Variants in NCF1 observed in about 807,000 individuals in gnomAD.
NCF1 encodes neutrophil cytosol factor 1.
NCF1 carries 8 observed loss-of-function variants against 34.9 expected under a neutral mutation model. That is an observed-to-expected ratio of 0.23 (90% CI 0.13 to 0.41). The LOEUF (loss-of-function observed/expected upper bound fraction) is 0.41. NCF1 is among the 10% of genes least tolerant of loss of function. The pLI, the probability that NCF1 is intolerant of heterozygous loss-of-function variation, is 1.00. For missense variants in NCF1, 122 were observed against 362.4 expected (o/e 0.34, Z 5.39); for synonymous variants, 57 against 146.3 (o/e 0.39, Z 4.41).
intron 1 of NCF1, 114 bp from the exon 2 acceptor site, chr7:74,777,153 T>C (rs1796483875): frequency 5.7e-6 from 5 of 878,900 alleles, no homozygotes; most frequent in Non-Finnish European, 9.2e-6. Context: ...ACCGCAAAGA[T>C]GGTCCTCACC....
At chr7:74,785,576 C>T in intron 8 of NCF1, 2 of 372,056 alleles carry the variant, frequency 5.4e-6, no homozygotes, top group Non-Finnish European at 1.1e-5. Flanking sequence ...ACATGGTGAA[C>T]TGTTGTATAA....
At chr7:74,783,164 C>G (rs782308134) in intron 6 of NCF1, 103 bp downstream of exon 6, 1 of 1,558,480 alleles carries the variant, frequency 6.4e-7, no homozygotes, top group Admixed American at 1.9e-5. Flanking sequence ...GGGAGGACTC[C>G]GGCTCTGTTA....
intron 5 of NCF1, among the ~76,000 whole-genome samples, chr7:74,782,460 A>G (rs1796588228): frequency 1.3e-5 from 1 of 74,890 alleles, no homozygotes; most frequent in Admixed American, 1.6e-4. Context: ...AGTTGGGAAA[A>G]GGCCAGGTGC....
intron 8 of NCF1, among the ~76,000 whole-genome samples, chr7:74,787,511 G>A (rs1443561756): frequency 6.6e-6 from 1 of 152,118 alleles, no homozygotes; most frequent in African/African-American, 2.4e-5. Context: ...GCAAAGGTTC[G>A]TAGGAGACAG....
At chr7:74,785,922 C>A in intron 8 of NCF1, among the ~76,000 whole-genome samples, 1 of 135,262 alleles carries the variant, frequency 7.4e-6, no homozygotes, top group African/African-American at 2.8e-5. Flanking sequence ...TTCTTTTTAT[C>A]ATTCCTTTAT....
chr7:74,787,675 C>G (rs1554414747), intron 8 of NCF1, among the ~76,000 whole-genome samples: 1 of 148,946 alleles, frequency 6.7e-6, no homozygotes, highest in Non-Finnish European at 1.5e-5. Flanking sequence ...ACCTAGATCC[C>G]TCAAAGTACT....
At chr7:74,786,968 A>G (rs1438442256) in intron 8 of NCF1, among the ~76,000 whole-genome samples, 2 of 146,460 alleles carry the variant, frequency 1.4e-5, no homozygotes, top group Non-Finnish European at 3.0e-5. Context: ...ACTCCCAAAT[A>G]TAATATTGAG....
At chr7:74,778,776 G>A (rs1349082800) in intron 2 of NCF1, among the ~76,000 whole-genome samples, 9 of 130,078 alleles carry the variant, frequency 6.9e-5, no homozygotes, top group South Asian at 2.8e-4. Flanking sequence ...CCAGGTTTAA[G>A]CGATTCTCCC....
At chr7:74,783,683 G>A in intron 7 of NCF1, 51 bp downstream of exon 7, 1 of 1,574,970 alleles carries the variant, frequency 6.3e-7, no homozygotes, top group South Asian at 1.1e-5. Flanking sequence ...GGGGCAGGCA[G>A]GGCTCAGGGA....
chr7:74,787,506 G>C (rs1222163022), intron 8 of NCF1, among the ~76,000 whole-genome samples: 1 of 152,098 alleles, frequency 6.6e-6, no homozygotes, highest in Non-Finnish European at 1.5e-5. Flanking sequence ...GGTAGGCAAA[G>C]GTTCGTAGGA....
At chr7:74,783,825 G>A (rs587721998) in intron 7 of NCF1, among the ~76,000 whole-genome samples, 193 bp downstream of exon 7, 1,323 of 152,058 alleles carry the variant, frequency 8.7e-3, no homozygotes, top group African/African-American at 0.031. Context: ...GAACCAGGAG[G>A]AGGAGCAGAC....
At chr7:74,777,397 C>T (rs1253814367) in intron 2 of NCF1, 50 bp downstream of exon 2, 3 of 1,405,976 alleles carry the variant, frequency 2.1e-6, no homozygotes, top group Admixed American at 2.0e-5. Context: ...CCAGCTCCAC[C>T]CTTTGGGAAG....
Position 74,783,531 on chromosome 7 carries a change from G to T in NCF1, c.581G>T (p.Trp194Leu), listed in dbSNP as rs781959928. The change falls in exon 7 of 11, where the codon TGG becomes TTG. Residue 194 changes from tryptophan (W) to leucine (L), a missense_variant. By Grantham distance (61) the Trp-to-Leu change is moderately conservative (BLOSUM62 -2). Transcript: ENST00000289473. ...EVVEKSESGW[W>L]FCQMKAKRGW... ...TCCCGCACCTCTGGCACAGGTTGGT[G>T]GTTCTGTCAGATGAAAGCAAAGCGA... 1.9e-6 allele frequency: 3 copies of T among 1,611,614 alleles called. No homozygotes were observed. The highest frequency in any genetic ancestry group is 2.2e-5 in the South Asian group (2 of 90,954).
chr7:74,777,319 G>A lies in NCF1; in HGVS notation c.125G>A (p.Arg42Gln), dbSNP rs119103270. ...GACCTGTCGGAGAAGGTGGTCTACC[G>A]GCGCTTCACCGAGATCTACGAGTTC... ...WQDLSEKVVY[R>Q]RFTEIYEFHK... is the part of the protein sequence containing the mutation. Residue 42 changes from arginine (R) to glutamine (Q), a missense_variant, in exon 2 of 11, where the codon CGG becomes CAG. Physicochemically the swap from Arg to Gln is conservative, Grantham distance 43 (BLOSUM62 1). Transcript: ENST00000289473. 1.0e-5 allele frequency: 16 copies of A among 1,596,744 alleles called. No individual in the cohort carries two copies. Among genetic ancestry groups the A allele is most frequent in the South Asian group, 4.4e-5 (4 of 90,042 alleles).
intron 8 of NCF1, among the ~76,000 whole-genome samples, chr7:74,785,730 A>G (rs765321859): frequency 1.8e-3 from 278 of 151,974 alleles, no homozygotes; most frequent in Non-Finnish European, 3.6e-3. Context: ...TAAAAACACA[A>G]ACATGAGCCG....
At chr7:74,785,341 GC>G in intron 8 of NCF1, 42 bp downstream of exon 8, 3 of 454,544 alleles carry the variant, frequency 6.6e-6, no homozygotes, top group South Asian at 2.1e-5. Context: ...ATCTGAGTCA[GC>G]CCCAGCCAGG....
rs1554413971 is a variant in NCF1, at chr7:74,782,996, C to A, written c.509C>A (p.Thr170Asn). The change falls in exon 6 of 11, where the codon ACC becomes AAC. Residue 170 changes from threonine to asparagine, a missense_variant. This residue lies in a region of NCF1 where 57 missense variants were observed against 89.3 expected (regional missense o/e 0.64). Transcript: ENST00000289473. ...CGCGCCATTGCCAACTACGAGAAGA[C>A]CTCGGGCTCCGAGATGGCTCTGTCC... ...TYRAIANYEK[T>N]SGSEMALSTG... 15 of 1,611,404 alleles carry A rather than the reference C, an allele frequency of 9.3e-6. No individual in the cohort carries two copies. Among genetic ancestry groups the A allele is most frequent in the Non-Finnish European group, 1.3e-5 (15 of 1,179,688 alleles).
In NCF1 at chr7:74,788,691, C is replaced by T; in HGVS notation, c.1038C>T (p.Pro346=). Reference sequence around the variant, plus strand: ...AGGCGCGGCCGGGACCGCAGAGCCCCGGGAGCCCGCTCGGTGAGTGCAGCG... The same window carrying T: ...AGGCGCGGCCGGGACCGCAGAGCCCTGGGAGCCCGCTCGGTGAGTGCAGCG... ...RRQARPGPQS[P]GSPLEEERQT... Residue 346 remains proline, a synonymous_variant, in exon 10 of 11, where the codon CCC becomes CCT. Coordinates refer to ENST00000289473, the MANE Select transcript of NCF1 (RefSeq NM_000265.7). 3 of 1,549,636 alleles carry T rather than the reference C, an allele frequency of 1.9e-6. No homozygotes were observed. The highest frequency in any genetic ancestry group is 2.3e-4 in the Middle Eastern group (1 of 4,352).
At position 74,779,242 on chromosome 7, in the gene NCF1, G is replaced by A. The variant is rs1554413440; in HGVS notation, c.230-15G>A. The stretch of plus-strand genomic sequence containing the variant: ...CAGCCCCTCTCGGGCTTGACCTCAT[G>A]TTCTCTGGTGCCAGCTCCCAAGTGG... On this transcript the variant is annotated splice_polypyrimidine_tract_variant and intron_variant, in intron 3 of 10. Coordinates refer to ENST00000289473, the MANE Select transcript of NCF1 (RefSeq NM_000265.7). 1.2e-6 allele frequency: 2 copies of A among 1,611,936 alleles called. No homozygotes were observed. Among genetic ancestry groups the A allele is most frequent in the South Asian group, 2.2e-5 (2 of 90,892 alleles).
Sources: gnomAD v4.1 joint callset for allele counts (sites outside exome capture counted in the v4.1 genomes callset) on GRCh38, gnomAD v4.1.1 for gene constraint, gnomAD v4.1.1 regional missense constraint, MANE v1.5 for transcripts, NCBI Gene and HGNC (gene_info 2026-07-23, HGNC 2026-07-21) for gene names.